TBC1D5: variants seen among roughly 807,000 people sequenced by gnomAD.
TBC1D5 encodes TBC1 domain family member 5.
Under a neutral mutation model 100.3 loss-of-function variants are expected in TBC1D5, and 75 were observed. The ratio of observed to expected loss-of-function variants is 0.75; its 90% CI spans 0.62 to 0.91. The LOEUF is 0.91. Among genes scored for constraint, TBC1D5 ranks in the 40% least tolerant of loss-of-function variants. The pLI is 0.00. For missense variants in TBC1D5, 910 were observed against 942.4 expected, an observed-to-expected ratio of 0.97 and a Z score of 0.45; for synonymous variants, 323 against 325.6, an observed-to-expected ratio of 0.99 and a Z score of 0.09.
rs546750428 is a variant in TBC1D5, at chr3:17,515,567, A to G, written c.-35-6962T>C. On this transcript the variant is annotated intron_variant, in intron 2 of 21. Coordinates refer to ENST00000253692, the Ensembl canonical transcript of TBC1D5. ...AGTTATGTGACTTATGTAAGGTCAC[A>G]GGGCAAAGCTACCTCAAATGACAAC... Among the ~76,000 whole-genome samples, 29 of 152,344 alleles carry G rather than the reference A, an allele frequency of 1.9e-4. No homozygotes were observed. In the East Asian group the frequency reaches 2.5e-3, roughly 13 times the overall value.
intron 13 of TBC1D5, among the ~76,000 whole-genome samples, chr3:17,324,176 T>C (rs2085783662): frequency 6.6e-6 from 1 of 152,136 alleles, no homozygotes; most frequent in Non-Finnish European, 1.5e-5. Context: ...TAACTCAAAA[T>C]GGATAACAGG....
intron 2 of TBC1D5, among the ~76,000 whole-genome samples, chr3:17,534,404 T>A (rs1197277652): frequency 6.6e-6 from 1 of 152,174 alleles, no homozygotes; most frequent in African/African-American, 2.4e-5. Flanking sequence ...AGTCAATGGA[T>A]AAGGAAATTT....
At chr3:17,638,281 T>C (rs148372241) in intron 1 of TBC1D5, among the ~76,000 whole-genome samples, 82 of 152,166 alleles carry the variant, frequency 5.4e-4, no homozygotes, top group African/African-American at 1.5e-3. Context: ...ATTACTCAAT[T>C]CCAAAAATTA....
At chr3:17,188,080 T>C (rs1004383057) in intron 18 of TBC1D5, among the ~76,000 whole-genome samples, 1 of 152,108 alleles carries the variant, frequency 6.6e-6, no homozygotes, top group Non-Finnish European at 1.5e-5. Context: ...GGCAGTGAGG[T>C]GTTGAACAGC....
At chr3:17,428,208 G>A (rs901836624) in intron 4 of TBC1D5, among the ~76,000 whole-genome samples, 1 of 151,548 alleles carries the variant, frequency 6.6e-6, no homozygotes, top group Non-Finnish European at 1.5e-5. Flanking sequence ...AACAGATACT[G>A]CAGTAAGTGC....
intron 2 of TBC1D5, among the ~76,000 whole-genome samples, chr3:17,517,739 A>G (rs1037900403): frequency 7.2e-5 from 11 of 152,320 alleles, no homozygotes; most frequent in African/African-American, 2.6e-4. Context: ...AAAAATACAT[A>G]CATACAAATA....
chr3:17,482,230 T>C (rs1460012925), intron 3 of TBC1D5, among the ~76,000 whole-genome samples: 1 of 148,744 alleles, frequency 6.7e-6, no homozygotes, highest in African/African-American at 2.6e-5. Flanking sequence ...CCCTATAACG[T>C]GTACCTTAAG....
intron 17 of TBC1D5, among the ~76,000 whole-genome samples, chr3:17,232,091 C>T (rs978324704): frequency 7.2e-5 from 11 of 152,134 alleles, no homozygotes; most frequent in African/African-American, 2.2e-4. Context: ...GATAATTCTA[C>T]TTATATAACA....
At chr3:17,164,173 T>G (rs1029140693) in intron 21 of TBC1D5, among the ~76,000 whole-genome samples, 1 of 152,174 alleles carries the variant, frequency 6.6e-6, no homozygotes, top group East Asian at 1.9e-4. Flanking sequence ...ATGAGCCATG[T>G]CACATCAACC....
chr3:17,332,415 G>A (rs1168490900), intron 13 of TBC1D5, among the ~76,000 whole-genome samples: 7 of 152,118 alleles, frequency 4.6e-5, no homozygotes, highest in Admixed American at 1.3e-4. Context: ...ACAATCTTGC[G>A]GATCTGCAAG....
chr3:17,504,287 G>A (rs1299883704), intron 3 of TBC1D5, among the ~76,000 whole-genome samples: 2 of 16,592 alleles, frequency 1.2e-4, no homozygotes, highest in African/African-American at 4.0e-4. Context: ...GTGGGGTGGG[G>A]GGAGGGGGGA....
intron 17 of TBC1D5, among the ~76,000 whole-genome samples, chr3:17,216,290 G>A (rs1474143716): frequency 6.6e-6 from 1 of 152,076 alleles, no homozygotes; most frequent in Non-Finnish European, 1.5e-5. Context: ...TCGTGATTGG[G>A]AATAAATGGT....
At chr3:17,225,587 A>G (rs2074798819) in intron 17 of TBC1D5, among the ~76,000 whole-genome samples, 1 of 152,144 alleles carries the variant, frequency 6.6e-6, no homozygotes, top group South Asian at 2.1e-4. Flanking sequence ...GGATTGCCTG[A>G]GCCCAGGAGT....
chr3:17,317,092 C>T (rs190198193), intron 13 of TBC1D5, among the ~76,000 whole-genome samples: 32 of 152,216 alleles, frequency 2.1e-4, no homozygotes, highest in African/African-American at 7.5e-4. Context: ...ACGCTAAATC[C>T]CCCAAGCAAC....
At chr3:17,227,556 G>C (rs1182539772) in intron 17 of TBC1D5, among the ~76,000 whole-genome samples, 1 of 152,036 alleles carries the variant, frequency 6.6e-6, no homozygotes, top group Admixed American at 6.6e-5. Flanking sequence ...TAGGAACATA[G>C]ATGGAGCTGG....
Position 17,557,178 on chromosome 3 carries a change from T to A in TBC1D5, c.-35-48573A>T, listed in dbSNP as rs561274539. Among the ~76,000 whole-genome samples the A allele has an allele frequency of 2.4e-4, 36 of 152,338 alleles. No individual in the cohort carries two copies. In the East Asian group the frequency reaches 7.0e-3, roughly 29 times the overall value. Reference sequence around the variant, plus strand: ...GTAAATAGAACCAGATATTTATACATCAATAATTGATCATAATAAAAATTA... The same window carrying A: ...GTAAATAGAACCAGATATTTATACAACAATAATTGATCATAATAAAAATTA... On this transcript the variant is annotated intron_variant, in intron 2 of 21. Transcript: ENST00000253692.
chr3:17,389,196 T>G (rs1483555528), intron 8 of TBC1D5, among the ~76,000 whole-genome samples: 1 of 152,124 alleles, frequency 6.6e-6, no homozygotes, highest in African/African-American at 2.4e-5. Flanking sequence ...ATTTTCTTAT[T>G]TAACGATTCT....
chr3:17,166,717 G>A (rs1553596554), intron 21 of TBC1D5, 50 bp downstream of exon 22: 2 of 1,565,000 alleles, frequency 1.3e-6, no homozygotes, highest in Non-Finnish European at 1.7e-6. Context: ...GAACTTATGT[G>A]AATGTGCTCC....
At chr3:17,713,883 T>G (rs1207572425) in intron 1 of TBC1D5, among the ~76,000 whole-genome samples, 1 of 152,162 alleles carries the variant, frequency 6.6e-6, no homozygotes, top group Non-Finnish European at 1.5e-5. Flanking sequence ...TCTCTACCCA[T>G]TGAAACATCA....
Sources: allele counts gnomAD v4.1 joint callset (sites outside exome capture counted in the v4.1 genomes callset), GRCh38; gene constraint gnomAD v4.1.1; transcripts MANE v1.5; gene names NCBI Gene and HGNC (gene_info 2026-07-23, HGNC 2026-07-21).